The following MCTP1 variants were observed in gnomAD, a reference collection of about 807,000 sequenced individuals.
MCTP1 encodes the protein multiple C2 and transmembrane domain-containing protein 1.
A neutral mutation model predicts 120.6 loss-of-function variants in MCTP1; 69 were observed. That is an observed-to-expected ratio of 0.57 (90% CI 0.47 to 0.70). The LOEUF (loss-of-function observed/expected upper bound fraction) is 0.70. MCTP1 is among the 30% of genes least tolerant of loss of function. The pLI, the probability that MCTP1 is intolerant of heterozygous loss-of-function variation, is 0.00. For missense variants in MCTP1, 1,203 were observed against 1,248.8 expected (o/e 0.96, Z 0.55); for synonymous variants, 529 against 493.1 (o/e 1.07, Z -0.96).
At chr5:94,782,912 A>C (rs1196779143) in intron 18 of MCTP1, among the ~76,000 whole-genome samples, 1 of 152,134 alleles carries the variant, frequency 6.6e-6, no homozygotes, top group Non-Finnish European at 1.5e-5. Context: ...TTAAGGGGGA[A>C]TATCACAGAT....
At chr5:94,997,633 C>T (rs150262858) in intron 2 of MCTP1, among the ~76,000 whole-genome samples, 78 of 152,280 alleles carry the variant, frequency 5.1e-4, no homozygotes, top group African/African-American at 1.7e-3. Flanking sequence ...CCTCTTTCTG[C>T]CCCTGTACTA....
At chr5:94,781,842 C>T (rs1217336709) in intron 18 of MCTP1, among the ~76,000 whole-genome samples, 1 of 152,154 alleles carries the variant, frequency 6.6e-6, no homozygotes, top group South Asian at 2.1e-4. Context: ...CCCAATACAA[C>T]CATTTGCTTT....
chr5:94,958,457 T>TA (rs201827581), intron 2 of MCTP1, among the ~76,000 whole-genome samples: 6,531 of 151,960 alleles, frequency 0.043, 165 homozygotes, highest in African/African-American at 0.063. Flanking sequence ...GAAAAACCCT[T>TA]AAAAAAATCA....
intron 10 of MCTP1, among the ~76,000 whole-genome samples, chr5:94,906,156 G>A (rs1458117547): frequency 6.6e-6 from 1 of 152,116 alleles, no homozygotes; most frequent in Admixed American, 6.6e-5. Context: ...GTGGCTTGTT[G>A]GGGGCAAATG....
intron 8 of MCTP1, among the ~76,000 whole-genome samples, chr5:94,916,778 C>G (rs1345765511): frequency 6.6e-6 from 1 of 152,190 alleles, no homozygotes; most frequent in Non-Finnish European, 1.5e-5. Flanking sequence ...TCCTCTGACC[C>G]CATCTAGACT....
At chr5:95,144,031 T>G (rs1760161061) in intron 1 of MCTP1, among the ~76,000 whole-genome samples, 1 of 152,198 alleles carries the variant, frequency 6.6e-6, no homozygotes, top group Non-Finnish European at 1.5e-5. Context: ...ACGAACAGTG[T>G]CTAAGAGTTC....
At chr5:95,195,150 C>T (rs990187438) in intron 1 of MCTP1, among the ~76,000 whole-genome samples, 3 of 152,142 alleles carry the variant, frequency 2.0e-5, no homozygotes, top group African/African-American at 7.2e-5. Context: ...CTAGAATATG[C>T]TCCAGGGATT....
Position 94,993,469 on chromosome 5 carries a change from C to T in MCTP1, c.838+23898G>A, listed in dbSNP as rs187680004. 4.1e-3 allele frequency among the ~76,000 whole-genome samples: 632 copies of T among 152,290 alleles called. 1 individual carries two copies. Among genetic ancestry groups the T allele is most frequent in the Non-Finnish European group, 5.7e-3 (385 of 68,012 alleles). ...CTATTTTCTCTTCATAGAGCCATGA[C>T]TTTACATTTCAAAGGGTTGCAAAGA... On this transcript the variant is annotated intron_variant, in intron 2 of 22. Transcript: ENST00000515393.
chr5:95,255,624 C>A (rs766913520), intron 1 of MCTP1, among the ~76,000 whole-genome samples: 2 of 152,124 alleles, frequency 1.3e-5, no homozygotes, highest in Non-Finnish European at 2.9e-5. Context: ...CTGAGAACAA[C>A]TGAGAAGGGC....
chr5:95,004,969 C>T (rs561407152), intron 2 of MCTP1, among the ~76,000 whole-genome samples: 70 of 152,276 alleles, frequency 4.6e-4, no homozygotes, highest in Admixed American at 7.8e-4. Flanking sequence ...CTGGAAAAGC[C>T]GCAGGCACTC....
chr5:95,129,408 C>A, intron 1 of MCTP1, among the ~76,000 whole-genome samples: 1 of 152,196 alleles, frequency 6.6e-6, no homozygotes, highest in East Asian at 1.9e-4. Flanking sequence ...ACCTAACCTG[C>A]CAAATAAAGG....
At chr5:95,085,204 A>C (rs1755335044) in intron 1 of MCTP1, among the ~76,000 whole-genome samples, 5 of 151,852 alleles carry the variant, frequency 3.3e-5, no homozygotes, top group Admixed American at 3.3e-4. Flanking sequence ...TACCTATCCC[A>C]TCCCTTCTTC....
intron 18 of MCTP1, among the ~76,000 whole-genome samples, chr5:94,796,830 C>T (rs1283451981): frequency 6.6e-6 from 1 of 151,532 alleles, no homozygotes; most frequent in Non-Finnish European, 1.5e-5. Context: ...CTGAATGAAA[C>T]GTTGTGATTG....
At chr5:95,062,347 C>A (rs1474269376) in intron 1 of MCTP1, among the ~76,000 whole-genome samples, 2 of 152,072 alleles carry the variant, frequency 1.3e-5, no homozygotes, top group African/African-American at 4.8e-5. Flanking sequence ...ACATTTAATG[C>A]CTTGAAGTAT....
At chr5:95,054,538 G>A (rs1284032183) in intron 1 of MCTP1, among the ~76,000 whole-genome samples, 1 of 152,106 alleles carries the variant, frequency 6.6e-6, no homozygotes. Flanking sequence ...AACCCACAGT[G>A]GTTCCCCTTC....
intron 1 of MCTP1, among the ~76,000 whole-genome samples, chr5:95,091,455 T>C (rs1236884000): frequency 6.6e-6 from 1 of 152,178 alleles, no homozygotes; most frequent in Non-Finnish European, 1.5e-5. Flanking sequence ...TTTTAACCAA[T>C]AAAGTATGAC....
intron 1 of MCTP1, among the ~76,000 whole-genome samples, chr5:95,257,720 A>G (rs1758033439): frequency 6.6e-6 from 1 of 152,046 alleles, no homozygotes; most frequent in Non-Finnish European, 1.5e-5. Flanking sequence ...TTCTAAGACT[A>G]GAGCAGGAAA....
chr5:94,730,784 A>G lies in MCTP1; in HGVS notation c.2611-15898T>C, dbSNP rs1055696622. On this transcript the variant is annotated intron_variant, in intron 19 of 22. Coordinates refer to ENST00000515393, the MANE Select transcript of MCTP1 (RefSeq NM_024717.7). ...GCCTCTTCTTCCTTGGTAACACCCT[A>G]TTCCCAGATGTTTCAGAAGGAAATC... is the stretch of plus-strand genomic sequence containing the variant. 2.0e-5 allele frequency among the ~76,000 whole-genome samples: 3 copies of G among 152,246 alleles called. No homozygotes were observed. In the East Asian group the frequency reaches 5.8e-4, roughly 29 times the overall value.
At chr5:94,992,856 C>T (rs1321134504) in intron 2 of MCTP1, among the ~76,000 whole-genome samples, 3 of 152,126 alleles carry the variant, frequency 2.0e-5, no homozygotes, top group Admixed American at 6.6e-5. Context: ...AAGACAAATT[C>T]CTGTCTCAGA....
Sources: gnomAD v4.1 joint callset for allele counts (sites outside exome capture counted in the v4.1 genomes callset) on GRCh38, gnomAD v4.1.1 for gene constraint, MANE v1.5 for transcripts, NCBI Gene and HGNC (gene_info 2026-07-23, HGNC 2026-07-21) for gene names.